The following ENTPD4 variants were observed in gnomAD, a reference collection of about 807,000 sequenced individuals.
ENTPD4 encodes the protein Golgi UDPase.
A neutral mutation model predicts 79.1 loss-of-function variants in ENTPD4; 60 were observed. That is an observed-to-expected ratio of 0.76 (90% confidence interval 0.62 to 0.94). The LOEUF (loss-of-function observed/expected upper bound fraction) is 0.94, where lower values mean the gene tolerates loss of function less well. Ranked by LOEUF, ENTPD4 falls within the 40% of genes least tolerant of loss-of-function variation. The pLI is 0.00. For missense variants in ENTPD4, 772 were observed against 775.1 expected, an observed-to-expected ratio of 1.00 and a Z score of 0.05; for synonymous variants, 276 against 292.0, an observed-to-expected ratio of 0.95 and a Z score of 0.56.
Position 23,447,687 on chromosome 8 carries a change from T to A in ENTPD4, c.405A>T (p.Ile135=), listed in dbSNP as rs747189003. The A allele has an allele frequency of 1.2e-6, 2 of 1,613,738 alleles. No homozygotes were observed. Among genetic ancestry groups the A allele is most frequent in the South Asian group, 2.2e-5 (2 of 91,078 alleles). ...ATGTTCTCATTTACATACCCGGTTTTATCTTCATGACCACTGGCTTTCGGT... is the reference window on the plus strand; with the variant it reads ...ATGTTCTCATTTACATACCCGGTTTAATCTTCATGACCACTGGCTTTCGGT... ...DKNRKPVVMK[I]KPGISEFATS... is the part of the protein sequence containing the mutation. The change falls in exon 4 of 13, where the codon ATA becomes ATT. Residue 135 remains isoleucine, a synonymous_variant. Transcript: ENST00000358689.
intron 1 of ENTPD4, among the ~76,000 whole-genome samples, chr8:23,455,550 C>A (rs1482195618): frequency 6.6e-6 from 1 of 152,194 alleles, no homozygotes; most frequent in Non-Finnish European, 1.5e-5. Context: ...CATTTATGAT[C>A]TGTATGTTCA....
intron 1 of ENTPD4, 119 bp from the exon 2 acceptor site, chr8:23,450,116 C>T: frequency 1.7e-6 from 1 of 598,568 alleles, no homozygotes; most frequent in Admixed American, 2.8e-5. Context: ...TGCACTGAAG[C>T]TGTTGGAAGG....
At chr8:23,450,609 C>G (rs929648211) in intron 1 of ENTPD4, among the ~76,000 whole-genome samples, 22 of 152,216 alleles carry the variant, frequency 1.4e-4, no homozygotes, top group Admixed American at 1.4e-3. Flanking sequence ...CTCGTCTGGT[C>G]TGCTTCTGAG....
At chr8:23,450,056 T>G (rs1563228252) in intron 1 of ENTPD4, 59 bp from the exon 2 acceptor site, 1 of 855,636 alleles carries the variant, frequency 1.2e-6, no homozygotes, top group Non-Finnish European at 1.9e-6. Context: ...ACATCTACGT[T>G]CTTTAAGTGT....
intron 7 of ENTPD4, 121 bp downstream of exon 7, chr8:23,441,884 GCT>G (rs2117289048): frequency 2.7e-6 from 3 of 1,119,116 alleles, no homozygotes; most frequent in South Asian, 2.8e-5. Flanking sequence ...AACTGCAGCT[GCT>G]CTCATTCTAC....
intron 1 of ENTPD4, among the ~76,000 whole-genome samples, chr8:23,454,329 G>A (rs1800916544): frequency 6.6e-6 from 1 of 152,118 alleles, no homozygotes; most frequent in African/African-American, 2.4e-5. Flanking sequence ...CCAAAGAAAA[G>A]ACAGTTTTAT....
intron 1 of ENTPD4, among the ~76,000 whole-genome samples, chr8:23,454,182 A>C (rs1465809230): frequency 1.3e-5 from 2 of 152,238 alleles, no homozygotes; most frequent in Non-Finnish European, 2.9e-5. Context: ...TGACGGATGA[A>C]ACCTTGTTTC....
rs1381896204 is a variant in ENTPD4, at chr8:23,442,020, C to T, written c.714G>A (p.Glu238=). The part of the protein sequence containing the change: ...IGINFVLGRF[E]HIEDDDEAVV... Reference sequence around the variant, plus strand: ...CATGACACTTACCATCTTCAATATGCTCAAATCGTCCAAGGACAAAATTAA... The same window carrying T: ...CATGACACTTACCATCTTCAATATGTTCAAATCGTCCAAGGACAAAATTAA... Residue 238 remains glutamate (E), a synonymous_variant, in exon 7 of 13, where the codon GAG becomes GAA. Coordinates refer to ENST00000358689, the MANE Select transcript of ENTPD4 (RefSeq NM_004901.5). 6.2e-7 allele frequency: 1 copy of T among 1,613,374 alleles called. No homozygotes were observed. Among genetic ancestry groups the T allele is most frequent in the African/African-American group, 1.3e-5 (1 of 75,022 alleles).
chr8:23,454,250 A>G (rs1800914573), intron 1 of ENTPD4, among the ~76,000 whole-genome samples: 1 of 152,256 alleles, frequency 6.6e-6, no homozygotes, highest in Non-Finnish European at 1.5e-5. Context: ...GCCTATCAGG[A>G]CACAGGAATT....
rs929511295 is a variant in ENTPD4 at position 23,457,581 on chromosome 8, G to A, written c.-122C>T. The stretch of plus-strand genomic sequence containing the variant: ...CCTGCTTGGCCGGCCGGGGACCCCG[G>A]GAGCGGGGGACCACCAGTGGGCAGC... On this transcript the variant is annotated 5_prime_UTR_variant, in exon 1 of 13. Coordinates refer to ENST00000358689, the MANE Select transcript of ENTPD4 (RefSeq NM_004901.5). The A allele has an allele frequency of 2.0e-5, 3 of 151,878 alleles. No individual in the cohort carries two copies. The highest frequency in any genetic ancestry group is 4.4e-5 in the Non-Finnish European group (3 of 67,972). 9.4% of individuals were successfully genotyped at this position (151,878 alleles called of 1,614,324 possible).
At position 23,433,163 on chromosome 8, in the gene ENTPD4, G is replaced by A. The variant is rs763003308; in HGVS notation, c.1623-9C>T. The stretch of plus-strand genomic sequence containing the variant: ...CCTCCTGCTGGATGTCTCTGCCCAT[G>A]TGAACACCAAACAACAAACAGGACA... On this transcript the variant is annotated splice_polypyrimidine_tract_variant and intron_variant, in intron 12 of 12. Transcript: ENST00000358689. 7.4e-6 allele frequency: 12 copies of A among 1,612,804 alleles called. No homozygotes were observed. Among genetic ancestry groups the A allele is most frequent in the Non-Finnish European group, 9.3e-6 (11 of 1,178,914 alleles).
chr8:23,433,172 A>G lies in ENTPD4; in HGVS notation c.1623-18T>C. On this transcript the variant is annotated intron_variant, in intron 12 of 12. Transcript: ENST00000358689. ...GGATGTCTCTGCCCATGTGAACACC[A>G]AACAACAAACAGGACAGTAAGCAAG... The G allele has an allele frequency of 6.2e-7, 1 of 1,609,272 alleles. No individual in the cohort carries two copies.
At chr8:23,449,055 G>T in intron 2 of ENTPD4, 116 bp from the exon 3 acceptor site, 1 of 765,456 alleles carries the variant, frequency 1.3e-6, no homozygotes, top group Non-Finnish European at 2.1e-6. Context: ...CCTAACTGTA[G>T]GTATCTGTAT....
intron 6 of ENTPD4, 40 bp from the exon 7 acceptor site, chr8:23,442,106 AAAACATTTTGTGTAACTCCTATC>A: frequency 6.6e-7 from 1 of 1,519,472 alleles, no homozygotes; most frequent in East Asian, 2.3e-5. Flanking sequence ...AAAAAGTTTT[AAAACATTTTGTGTAACTCCTATC>A]TGCGCAGTCT....
chr8:23,431,790 G>A lies in ENTPD4; in HGVS notation c.*1136C>T, dbSNP rs777815617. On this transcript the variant is annotated 3_prime_UTR_variant, in exon 13 of 13. Transcript: ENST00000358689. ...GAGCAAGAAGTGGGCATGTGCTCTA[G>A]TTCCAATAAAACCGAAACTGGTGAA... 1.6e-4 allele frequency: 153 copies of A among 985,320 alleles called. No homozygotes were observed. Among genetic ancestry groups the A allele is most frequent in the Non-Finnish European group, 1.8e-4 (150 of 829,940 alleles). The allele number at this position is 985,320 out of a possible 1,614,324, so 61.0% of individuals were successfully genotyped here. A position where few individuals can be genotyped will look rare whatever the true frequency, so the allele number is the denominator to read the frequency against.
intron 3 of ENTPD4, among the ~76,000 whole-genome samples, 171 bp from the exon 4 acceptor site, chr8:23,448,056 T>C (rs1349002380): frequency 6.6e-6 from 1 of 152,178 alleles, no homozygotes; most frequent in Non-Finnish European, 1.5e-5. Context: ...ACAAAACAAG[T>C]GATGATGATA....
rs1005321376 is a variant in ENTPD4, at chr8:23,432,328, G to C, written c.*598C>G. The C allele has an allele frequency of 1.9e-5, 19 of 985,322 alleles. No individual in the cohort carries two copies. In the African/African-American group the frequency reaches 3.1e-4, roughly 16 times the overall value. 61.0% of individuals were successfully genotyped at this position (985,322 alleles called of 1,614,324 possible). A position where few individuals can be genotyped will look rare whatever the true frequency, so the allele number is the denominator to read the frequency against. On this transcript the variant is annotated 3_prime_UTR_variant, in exon 13 of 13. Coordinates refer to ENST00000358689, the MANE Select transcript of ENTPD4 (RefSeq NM_004901.5). ...TTCCACCTCCCTCCAGTATCAAAGT[G>C]CATGTGTTTAAATTTAACATTCCTT... is the stretch of plus-strand genomic sequence containing the variant.
At chr8:23,437,523 T>A (rs1054708255) in intron 9 of ENTPD4, among the ~76,000 whole-genome samples, 1 of 152,198 alleles carries the variant, frequency 6.6e-6, no homozygotes, top group African/African-American at 2.4e-5. Flanking sequence ...CCGACGATCC[T>A]GGCAACAAGG....
chr8:23,430,195 C>G lies in ENTPD4; in HGVS notation c.*2731G>C, dbSNP rs1247865435. ...CTGGCTGTCTTCACCTACGCGAGAC[C>G]TTCTCTGGAATGTGATTTGCTGCGA... On this transcript the variant is annotated 3_prime_UTR_variant, in exon 13 of 13. Coordinates refer to ENST00000358689, the MANE Select transcript of ENTPD4 (RefSeq NM_004901.5). The G allele has an allele frequency of 1.0e-6, 1 of 985,230 alleles. No homozygotes were observed. Among genetic ancestry groups the G allele is most frequent in the Non-Finnish European group, 1.2e-6 (1 of 829,878 alleles). 61.0% of individuals were successfully genotyped at this position (985,230 alleles called of 1,614,324 possible).
Sources: allele counts gnomAD v4.1 joint callset (sites outside exome capture counted in the v4.1 genomes callset), GRCh38; gene constraint gnomAD v4.1.1; transcripts MANE v1.5; gene names NCBI Gene and HGNC (gene_info 2026-07-23, HGNC 2026-07-21).